The following ADGRL2 variants were observed in gnomAD, a reference collection of about 807,000 sequenced individuals.
ADGRL2 encodes adhesion G protein-coupled receptor L2, also known as calcium-independent alpha-latrotoxin receptor 2.
ADGRL2 carries 44 observed loss-of-function variants against 157.4 expected under a neutral mutation model. The ratio of observed to expected loss-of-function variants is 0.28; its 90% CI spans 0.22 to 0.36. ADGRL2 has a LOEUF of 0.36. ADGRL2 is among the 10% of genes least tolerant of loss of function. The pLI is 1.00. For missense variants in ADGRL2, 1,510 were observed against 1,768.9 expected, an observed-to-expected ratio of 0.85 and a Z score of 2.63; for synonymous variants, 585 against 624.7, an observed-to-expected ratio of 0.94 and a Z score of 0.95.
intron 2 of ADGRL2, among the ~76,000 whole-genome samples, chr1:81,872,368 G>A (rs1197581742): frequency 1.3e-5 from 2 of 152,118 alleles, no homozygotes; most frequent in Non-Finnish European, 2.9e-5. Context: ...GTAGCGTGAT[G>A]CCTCCAGCTT....
chr1:81,798,286 T>C (rs1005450129), upstream of ADGRL2, among the ~76,000 whole-genome samples: 1 of 152,056 alleles, frequency 6.6e-6, no homozygotes, highest in Non-Finnish European at 1.5e-5. Context: ...TAATGGCAGG[T>C]TTGTGGCTAA....
intron 1 of ADGRL2, among the ~76,000 whole-genome samples, chr1:81,804,481 T>C (rs2088809556): frequency 6.6e-6 from 1 of 152,220 alleles, no homozygotes; most frequent in Non-Finnish European, 1.5e-5. Flanking sequence ...TGTCTTCCTT[T>C]TGCTTCCAAG....
intron 1 of ADGRL2, among the ~76,000 whole-genome samples, chr1:81,420,425 A>G (rs1052761118): frequency 1.3e-5 from 2 of 152,340 alleles, no homozygotes; most frequent in African/African-American, 4.8e-5. Flanking sequence ...AGCTCCCACA[A>G]TAATGAAAGC....
intron 1 of ADGRL2, among the ~76,000 whole-genome samples, chr1:81,381,481 C>T (rs963704375): frequency 2.6e-5 from 4 of 151,926 alleles, no homozygotes; most frequent in Non-Finnish European, 4.4e-5. Context: ...GGGACAGAGG[C>T]GGGAAGGATC....
intron 2 of ADGRL2, among the ~76,000 whole-genome samples, chr1:81,510,908 C>T (rs1043940182): frequency 2.0e-5 from 3 of 152,040 alleles, no homozygotes; most frequent in Admixed American, 6.6e-5. Flanking sequence ...TATACAAGTT[C>T]GCACAGGTTT....
At chr1:81,713,435 G>A (rs2084004657) in intron 1 of ADGRL2, among the ~76,000 whole-genome samples, 1 of 152,194 alleles carries the variant, frequency 6.6e-6, no homozygotes, top group Admixed American at 6.5e-5. Flanking sequence ...GGTAAGGTTA[G>A]AAGGGAAGAA....
chr1:81,887,219 A>G (rs1281290904), intron 2 of ADGRL2, among the ~76,000 whole-genome samples: 1 of 152,240 alleles, frequency 6.6e-6, no homozygotes, highest in Admixed American at 6.5e-5. Flanking sequence ...CAAAATGTGT[A>G]TTGAGAATGT....
In ADGRL2 at chr1:81,656,929, G is replaced by A. The variant is rs530011483; in HGVS notation, c.-143+75949G>A. On this transcript the variant is annotated intron_variant, in intron 3 of 24. Transcript: ENST00000370721. ...GGAGGCTGAGGTGGGAGGATCACCT[G>A]AGCCTGGGAGGTCGAGGTTACCATG... is the stretch of plus-strand genomic sequence containing the variant. Among the ~76,000 whole-genome samples the A allele has an allele frequency of 3.3e-5, 5 of 150,760 alleles. No homozygotes were observed. In the South Asian group the frequency reaches 8.4e-4, roughly 25 times the overall value.
At chr1:81,341,392 C>T (rs1662060341) in intron 1 of ADGRL2, among the ~76,000 whole-genome samples, 1 of 151,330 alleles carries the variant, frequency 6.6e-6, no homozygotes, top group Admixed American at 6.6e-5. Context: ...TCAAAAAGGG[C>T]AGACAAAACA....
At chr1:81,643,255 T>C (rs1242727568) in intron 3 of ADGRL2, among the ~76,000 whole-genome samples, 1 of 152,206 alleles carries the variant, frequency 6.6e-6, no homozygotes, top group Non-Finnish European at 1.5e-5. Context: ...GATACAAGGT[T>C]AACACACAAA....
intron 2 of ADGRL2, among the ~76,000 whole-genome samples, chr1:81,449,723 T>C (rs138435039): frequency 6.6e-6 from 1 of 152,244 alleles, no homozygotes; most frequent in African/African-American, 2.4e-5. Flanking sequence ...CACCTTAGCC[T>C]CCCGAGTAGC....
Position 81,862,263 on chromosome 1 carries a change from G to T in ADGRL2, c.73+25206G>T, listed in dbSNP as rs374249893. Among the ~76,000 whole-genome samples, 12 of 152,208 alleles carry T rather than the reference G, an allele frequency of 7.9e-5. No homozygotes were observed. The East Asian group carries it at 1.5e-3, about 20-fold the overall frequency. On this transcript the variant is annotated intron_variant, in intron 2 of 23. Transcript: ENST00000686636. The stretch of plus-strand genomic sequence containing the variant: ...CAAAAATAGATAATTTTAAAGAATA[G>T]ATTAGACATATTGTTTTTACGTTAT...
intron 2 of ADGRL2, among the ~76,000 whole-genome samples, chr1:81,490,067 T>C (rs182615002): frequency 1.3e-4 from 20 of 151,958 alleles, no homozygotes; most frequent in Non-Finnish European, 2.5e-4. Flanking sequence ...GCTAATATTA[T>C]AGTAACAACC....
intron 3 of ADGRL2, among the ~76,000 whole-genome samples, chr1:81,689,932 ATC>A (rs2083299342): frequency 1.3e-5 from 2 of 152,096 alleles, no homozygotes; most frequent in Non-Finnish European, 2.9e-5. Context: ...TTTGGATGAG[ATC>A]TCTCTCTCCC....
rs74824468 is a variant in ADGRL2 at position 81,761,250 on chromosome 1, T to C, written c.-142-561T>C. On this transcript the variant is annotated intron_variant, in intron 1 of 20. Coordinates refer to the ADGRL2 transcript ENST00000359929. ...AAATTACTTCACTAGAAAAAATTTC[T>C]AAAGGTCTGAAATATCACTATTGAG... Among the ~76,000 whole-genome samples the C allele has an allele frequency of 7.4e-3, 1,130 of 152,036 alleles. 17 individuals carry two copies. Among genetic ancestry groups the C allele is most frequent in the African/African-American group, 0.026 (1,093 of 41,582 alleles).
chr1:81,672,474 G>T (rs1388172400), intron 3 of ADGRL2, among the ~76,000 whole-genome samples: 2 of 152,176 alleles, frequency 1.3e-5, no homozygotes, highest in Admixed American at 6.5e-5. Flanking sequence ...TGTTACTCTG[G>T]TATCTGCTCT....
chr1:81,821,447 T>C (rs2090981030), intron 1 of ADGRL2, among the ~76,000 whole-genome samples: 2 of 152,182 alleles, frequency 1.3e-5, no homozygotes, highest in African/African-American at 4.8e-5. Flanking sequence ...TGTTTATCTT[T>C]TAATGGTGAA....
chr1:81,474,739 T>G (rs1037524203), intron 2 of ADGRL2, among the ~76,000 whole-genome samples: 15 of 152,208 alleles, frequency 9.9e-5, no homozygotes, highest in African/African-American at 2.9e-4. Context: ...TTCCAGTGCT[T>G]TAGAGTTATT....
At chr1:81,468,317 T>G (rs1282868359) in intron 2 of ADGRL2, among the ~76,000 whole-genome samples, 2 of 152,334 alleles carry the variant, frequency 1.3e-5, no homozygotes, top group East Asian at 3.9e-4. Flanking sequence ...TGGTTTCTTA[T>G]AAGTAATTTG....
Sources: allele counts gnomAD v4.1 joint callset (sites outside exome capture counted in the v4.1 genomes callset), GRCh38; gene constraint gnomAD v4.1.1; transcripts MANE v1.5; gene names NCBI Gene and HGNC (gene_info 2026-07-23, HGNC 2026-07-21).